The following CDAN1 variants were observed in gnomAD, a reference collection of about 807,000 sequenced individuals.
The protein encoded by CDAN1 is codanin-1.
Under a neutral mutation model 139.8 loss-of-function variants are expected in CDAN1, and 107 were observed. The ratio of observed to expected loss-of-function variants is 0.77; its 90% CI spans 0.65 to 0.90. CDAN1 has a LOEUF of 0.90. Ranked by LOEUF, CDAN1 falls within the 40% of genes least tolerant of loss-of-function variation. CDAN1 has a pLI of 0.00. For missense variants in CDAN1, 1,667 were observed against 1,575.7 expected (o/e 1.06, Z -0.98); for synonymous variants, 776 against 660.6 (o/e 1.17, Z -2.68).
chr15:42,733,129 C>T lies in CDAN1; in HGVS notation c.1425G>A (p.Trp475Ter), dbSNP rs556328683. 6.2e-7 allele frequency: 1 copy of T among 1,613,946 alleles called. No homozygotes were observed. Among genetic ancestry groups the T allele is most frequent in the Non-Finnish European group, 8.5e-7 (1 of 1,179,998 alleles). The change falls in exon 9 of 28, where the codon TGG (tryptophan) becomes TGA (stop). Residue 475 changes from tryptophan (W) to a stop codon, truncating the protein, a stop_gained. Coordinates refer to ENST00000356231, the MANE Select transcript of CDAN1 (RefSeq NM_138477.4). LOFTEE classifies it high-confidence loss of function. ...EWEDHHEEPG[W>*]DFEKGLGSRI... ...TGCTGCCCAAGCCCTTCTCAAAATC[C>T]CAGCCAGGCTCCTCATGGTGATCTT...
chr15:42,736,188 A>G, intron 2 of CDAN1, 110 bp from the exon 3 acceptor site: 3 of 1,574,400 alleles, frequency 1.9e-6, no homozygotes, highest in Non-Finnish European at 2.6e-6. Flanking sequence ...AACCCTCACC[A>G]TCACCCCCAG....
Position 42,736,469 on chromosome 15 carries a change from G to GCGGCCTCCACGCTCGCGGGCCGGCCC in CDAN1, c.376_401dup (p.Leu136ArgfsTer55). On this transcript the variant is annotated frameshift_variant, in exon 2 of 28. Transcript: ENST00000356231. LOFTEE classifies it high-confidence loss of function. Reference sequence around the variant, plus strand: ...CCCCGCTGACCCCCTCCTCCAGGCCGCGGCCTCCACGCTCGCGGGCCGGCC... The same window carrying GCGGCCTCCACGCTCGCGGGCCGGCCC: ...CCCCGCTGACCCCCTCCTCCAGGCCGCGGCCTCCACGCTCGCGGGCCGGCCCCGGCCTCCACGCTCGCGGGCCGGCC... 1 of 1,511,134 alleles carries GCGGCCTCCACGCTCGCGGGCCGGCCC rather than the reference G, an allele frequency of 6.6e-7. No homozygotes were observed. The highest frequency in any genetic ancestry group is 8.8e-7 in the Non-Finnish European group (1 of 1,133,606). The allele number at this position is 1,511,134 out of a possible 1,614,324, so 93.6% of individuals were successfully genotyped here.
At chr15:42,728,608 G>A in intron 20 of CDAN1, 44 bp downstream of exon 20, 2 of 1,611,762 alleles carry the variant, frequency 1.2e-6, no homozygotes, top group East Asian at 2.2e-5. Flanking sequence ...AAAGGACAGA[G>A]AAAGCCAAGA....
intron 23 of CDAN1, 97 bp downstream of exon 23, chr15:42,727,524 A>G: frequency 1.7e-6 from 2 of 1,164,666 alleles, no homozygotes; most frequent in Non-Finnish European, 2.4e-6. Flanking sequence ...GACAGCTTCT[A>G]CATAAAAATC....
chr15:42,734,538 G>C (rs939191111), intron 6 of CDAN1, among the ~76,000 whole-genome samples, 192 bp from the exon 7 acceptor site: 2 of 152,170 alleles, frequency 1.3e-5, no homozygotes, highest in Non-Finnish European at 2.9e-5. Flanking sequence ...ACAGAGCAAG[G>C]ACCAAGACAG....
Position 42,724,076 on chromosome 15 carries a change from ATTCATGTT to A in CDAN1, c.*407_*414del, listed in dbSNP as rs2061491982. On this transcript the variant is annotated 3_prime_UTR_variant, in exon 28 of 28. Transcript: ENST00000356231. ...TGATAAGAAAATGTAGACTCCCAAG[ATTCATGTT>A]TTAACTTTCTTCATAAGTTAAGCAG... 3.5e-6 allele frequency: 1 copy of A among 288,746 alleles called. No homozygotes were observed. Among genetic ancestry groups the A allele is most frequent in the African/African-American group, 2.2e-5 (1 of 45,690 alleles). 17.9% of individuals were successfully genotyped at this position (288,746 alleles called of 1,614,324 possible). A position where few individuals can be genotyped will look rare whatever the true frequency, so the allele number is the denominator to read the frequency against.
rs1323420240 is a variant in CDAN1, at chr15:42,726,355, C to T, written c.3159G>A (p.Leu1053=). 6.3e-7 allele frequency: 1 copy of T among 1,597,714 alleles called. No homozygotes were observed. The highest frequency in any genetic ancestry group is 8.5e-7 in the Non-Finnish European group (1 of 1,172,370). The change falls in exon 24 of 28, where the codon CTG becomes CTA. Residue 1053 remains leucine, a synonymous_variant. Transcript: ENST00000356231. ...DPDEGVSPEH[L]EQLLGQLGQT... ...GGCCCAGCTGGCCTAGGAGCTGTTC[C>T]AGATGCTCTGGGGAGACTCCCTCGT... is the stretch of plus-strand genomic sequence containing the variant.
In CDAN1 at chr15:42,736,080, T is replaced by G. The variant is rs530521066; in HGVS notation, c.570-2A>C. On this transcript the variant is annotated splice_acceptor_variant, in intron 2 of 27. Transcript: ENST00000356231. LOFTEE classifies it high-confidence loss of function. The stretch of plus-strand genomic sequence containing the variant: ...TTGATCCTGCGAGAAGGCTTCGTCC[T>G]GCTGAGAGTAGCCACAGGTTTTTCT... 6.2e-7 allele frequency: 1 copy of G among 1,614,118 alleles called. No homozygotes were observed. The highest frequency in any genetic ancestry group is 1.3e-5 in the African/African-American group (1 of 75,060).
Position 42,724,130 on chromosome 15 carries a change from G to A in CDAN1, c.*361C>T, listed in dbSNP as rs1009776285. 1.8e-4 allele frequency: 60 copies of A among 325,650 alleles called. 2 individuals carry two copies. The highest frequency in any genetic ancestry group is 1.6e-3 in the South Asian group (59 of 36,824). 20.2% of individuals were successfully genotyped at this position (325,650 alleles called of 1,614,324 possible). A position where few individuals can be genotyped will look rare whatever the true frequency, so the allele number is the denominator to read the frequency against. On this transcript the variant is annotated 3_prime_UTR_variant, in exon 28 of 28. Coordinates refer to ENST00000356231, the MANE Select transcript of CDAN1 (RefSeq NM_138477.4). ...AGCAGGAGTCATTTGCCTCTGTCATGAATTCCAAGACTACAAAGTTTTAAG... is the reference window on the plus strand; with the variant it reads ...AGCAGGAGTCATTTGCCTCTGTCATAAATTCCAAGACTACAAAGTTTTAAG...
At chr15:42,728,574 A>G (rs2061563737) in intron 20 of CDAN1, 78 bp downstream of exon 20, 1 of 1,576,890 alleles carries the variant, frequency 6.3e-7, no homozygotes, top group Admixed American at 1.7e-5. Context: ...AAAGGGAAAA[A>G]AGAGTAAGTG....
In CDAN1 at chr15:42,724,624, A is replaced by T; in HGVS notation, c.3559-8T>A. 1.3e-6 allele frequency: 2 copies of T among 1,552,128 alleles called. No homozygotes were observed. Among genetic ancestry groups the T allele is most frequent in the Non-Finnish European group, 1.7e-6 (2 of 1,146,984 alleles). On this transcript the variant is annotated splice_polypyrimidine_tract_variant and splice_region_variant and intron_variant, in intron 27 of 27. Coordinates refer to ENST00000356231, the MANE Select transcript of CDAN1 (RefSeq NM_138477.4). ...TAATTCTTCAGCAAAGTCCTGGAAT[A>T]CATAGAAAGATGAGGGAAAAGGCAG... is the stretch of plus-strand genomic sequence containing the variant.
At position 42,729,229 on chromosome 15, in the gene CDAN1, C is replaced by G; in HGVS notation, c.2541G>C (p.Gln847His). The change falls in exon 18 of 28, where the codon CAG becomes CAC. Residue 847 changes from glutamine (Q) to histidine (H), a missense_variant and splice_region_variant. Physicochemically the swap from Gln to His is conservative, Grantham distance 24. Around this residue, in one of 3 missense-constraint regions of CDAN1, gnomAD observed 936 missense variants for 844.1 expected, o/e 1.11. Coordinates refer to ENST00000356231, the MANE Select transcript of CDAN1 (RefSeq NM_138477.4). ...AQPSQTSQGL[Q>H]AQLAQAFFHN... ...ACGGCTGTCTCCGCCCTGCCCTTACCTGCAGCCCCTGGCTGGTCTGGGAAG... is the reference window on the plus strand; with the variant it reads ...ACGGCTGTCTCCGCCCTGCCCTTACGTGCAGCCCCTGGCTGGTCTGGGAAG... 1.9e-6 allele frequency: 3 copies of G among 1,613,650 alleles called. No homozygotes were observed. Among genetic ancestry groups the G allele is most frequent in the Non-Finnish European group, 2.5e-6 (3 of 1,179,740 alleles).
intron 2 of CDAN1, 26 bp downstream of exon 2, chr15:42,736,276 T>A (rs1207989101): frequency 1.9e-6 from 3 of 1,612,702 alleles, no homozygotes; most frequent in Admixed American, 3.3e-5. Context: ...GTGGTACCCA[T>A]CTCCTGCATG....
chr15:42,724,679 T>TA, intron 27 of CDAN1, 63 bp from the exon 28 acceptor site: 9 of 1,537,956 alleles, frequency 5.9e-6, no homozygotes, highest in African/African-American at 1.4e-5. Context: ...GCTCATCCTT[T>TA]GTCACTAAAG....
rs1320661924 is a variant in CDAN1, at chr15:42,736,538, G to C, written c.333C>G (p.Ala111=). The C allele has an allele frequency of 9.7e-5, 142 of 1,465,834 alleles. No individual in the cohort carries two copies. Among genetic ancestry groups the C allele is most frequent in the Non-Finnish European group, 1.1e-4 (121 of 1,111,224 alleles). 90.8% of individuals were successfully genotyped at this position (1,465,834 alleles called of 1,614,324 possible). ...FPPTEAQSTA[A]EAPLARRGGR... is the part of the protein sequence containing the mutation. The stretch of plus-strand genomic sequence containing the variant: ...CCCCGCGGCGGGCCAGAGGGGCCTC[G>C]GCAGCGGTGCTCTGGGCCTCGGTCG... The change falls in exon 2 of 28, where the codon GCC becomes GCG. Residue 111 remains alanine, a synonymous_variant. Coordinates refer to ENST00000356231, the MANE Select transcript of CDAN1 (RefSeq NM_138477.4).
intron 14 of CDAN1, 143 bp from the exon 15 acceptor site, chr15:42,730,358 C>T (rs1348940064): frequency 2.2e-6 from 2 of 905,922 alleles, no homozygotes; most frequent in Non-Finnish European, 3.6e-6. Context: ...CCCAGCCCCG[C>T]CTCCTGCATG....
At position 42,731,783 on chromosome 15, in the gene CDAN1, C is replaced by T. The variant is rs752966516; in HGVS notation, c.1576G>A (p.Glu526Lys). 5.0e-6 allele frequency: 8 copies of T among 1,614,078 alleles called. No individual in the cohort carries two copies. Among genetic ancestry groups the T allele is most frequent in the Non-Finnish European group, 5.9e-6 (7 of 1,180,026 alleles). The change falls in exon 11 of 28, where the codon GAG becomes AAG. Residue 526 changes from glutamate to lysine, a missense_variant. Around this residue, in one of 3 missense-constraint regions of CDAN1, gnomAD observed 244 missense variants for 309.4 expected, o/e 0.79. Coordinates refer to ENST00000356231, the MANE Select transcript of CDAN1 (RefSeq NM_138477.4). ...AGCATACTCAACACATCTGGGGCCTCGCCCAAGACGGTGCCCCCAGCACCA... is the reference window on the plus strand; with the variant it reads ...AGCATACTCAACACATCTGGGGCCTTGCCCAAGACGGTGCCCCCAGCACCA... ...PGGAGGTVLG[E>K]APDVLSMLGA...
chr15:42,729,558 C>G lies in CDAN1; in HGVS notation c.2407+10G>C, dbSNP rs370144474. On this transcript the variant is annotated intron_variant, in intron 17 of 27. Coordinates refer to ENST00000356231, the MANE Select transcript of CDAN1 (RefSeq NM_138477.4). ...AGACCAAGGACCGTCCAGGGAAGAC[C>G]GGTGCTCACCGATGTAGGGGCAGCA... is the stretch of plus-strand genomic sequence containing the variant. The G allele has an allele frequency of 6.2e-6, 10 of 1,613,990 alleles. No individual in the cohort carries two copies. In the African/African-American group the frequency reaches 1.3e-4, roughly 22 times the overall value.
At position 42,728,250 on chromosome 15, in the gene CDAN1, C is replaced by T; in HGVS notation, c.2822G>A (p.Ser941Asn). ...AAGCAGCGCCCGCACAGCCCCAGGG[C>T]TCTTCCTTTGACAGAACCTAAAAGG... The part of the protein sequence containing the change: ...ALGREFCQRK[S>N]PGAVRALLPE... Residue 941 changes from serine (S) to asparagine (N), a missense_variant, in exon 21 of 28, where the codon AGC becomes AAC. By Grantham distance (46) the Ser-to-Asn change is conservative (BLOSUM62 1). This residue lies in a region of CDAN1 where 936 missense variants were observed against 844.1 expected (regional missense o/e 1.11). Coordinates refer to ENST00000356231, the MANE Select transcript of CDAN1 (RefSeq NM_138477.4). 1.2e-6 allele frequency: 2 copies of T among 1,613,960 alleles called. No homozygotes were observed. The highest frequency in any genetic ancestry group is 1.7e-6 in the Non-Finnish European group (2 of 1,179,940).
Sources: gnomAD v4.1 joint callset for allele counts (sites outside exome capture counted in the v4.1 genomes callset) on GRCh38, gnomAD v4.1.1 for gene constraint, gnomAD v4.1.1 regional missense constraint, MANE v1.5 for transcripts, NCBI Gene and HGNC (gene_info 2026-07-23, HGNC 2026-07-21) for gene names.